REPIN1: variants seen among roughly 807,000 people sequenced by gnomAD.
The protein encoded by REPIN1 is replication initiator 1.
Under a neutral mutation model 5.7 loss-of-function variants are expected in REPIN1, and 4 were observed. The observed-to-expected ratio is 0.71, with a 90% CI of 0.35 to 1.62. The LOEUF is 1.62. REPIN1 is among the 40% of genes most tolerant of loss of function. The pLI is 0.05. For synonymous variants in REPIN1, 410 were observed against 386.2 expected (o/e 1.06, Z -0.72); for missense variants, 854 against 901.0 (o/e 0.95, Z 0.67).
In REPIN1 at chr7:150,372,511, G is replaced by C; in HGVS notation, c.1441G>C (p.Val481Leu). 3.2e-6 allele frequency: 5 copies of C among 1,551,232 alleles called. No homozygotes were observed. Among genetic ancestry groups the C allele is most frequent in the Non-Finnish European group, 3.5e-6 (4 of 1,155,240 alleles). ...KKTHLVAHSR[V>L]HSGERPFACE... The stretch of plus-strand genomic sequence containing the variant: ...GACGCACCTGGTGGCGCACTCGCGC[G>C]TGCACTCCGGCGAGCGGCCCTTCGC... Residue 481 changes from valine (V) to leucine (L), a missense_variant, in exon 3 of 3, where the codon GTG becomes CTG. Physicochemically the swap from Val to Leu is conservative, Grantham distance 32. Around this residue, in one of 5 missense-constraint regions of REPIN1, gnomAD observed 327 missense variants for 307.8 expected, o/e 1.06. Coordinates refer to ENST00000489432, the MANE Select transcript of REPIN1 (RefSeq NM_001099695.2).
Position 150,372,329 on chromosome 7 carries a change from A to T in REPIN1, c.1259A>T (p.His420Leu), listed in dbSNP as rs1178338069. ...CCGCCGCCAGGGGCCCCGCCAGAGC[A>T]CCCGCAGGACCCGATCGAAGCCCCC... ...QEPPPGAPPE[H>L]PQDPIEAPPS... Residue 420 changes from histidine to leucine, a missense_variant, in exon 3 of 3, where the codon CAC becomes CTC. His to Leu is a moderately conservative substitution (Grantham distance 99). Around this residue, in one of 5 missense-constraint regions of REPIN1, gnomAD observed 327 missense variants for 307.8 expected, o/e 1.06. Transcript: ENST00000489432. 2.0e-6 allele frequency: 3 copies of T among 1,519,132 alleles called. No individual in the cohort carries two copies. The highest frequency in any genetic ancestry group is 2.6e-6 in the Non-Finnish European group (3 of 1,140,816). 94.1% of individuals were successfully genotyped at this position (1,519,132 alleles called of 1,614,324 possible).
Position 150,371,809 on chromosome 7 carries a change from G to C in REPIN1, c.739G>C (p.Asp247His). ...CTGTGGCCGGAGCTTTGCCCAGTGG[G>C]ACCAGCTAGTTGCCCACAAGCGGGT... Reference protein sequence around the residue: ...GNCGRSFAQWDQLVAHKRVHV... With the variant: ...GNCGRSFAQWHQLVAHKRVHV... The change falls in exon 3 of 3, where the codon GAC becomes CAC. Residue 247 changes from aspartate to histidine, a missense_variant. Coordinates refer to ENST00000489432, the MANE Select transcript of REPIN1 (RefSeq NM_001099695.2). 1 of 1,610,312 alleles carries C rather than the reference G, an allele frequency of 6.2e-7. No individual in the cohort carries two copies. The highest frequency in any genetic ancestry group is 8.5e-7 in the Non-Finnish European group (1 of 1,179,104).
rs751413655 is a variant in REPIN1, at chr7:150,372,522, C to A, written c.1452C>A (p.Gly484=). The A allele has an allele frequency of 6.4e-7, 1 of 1,555,404 alleles. No homozygotes were observed. Among genetic ancestry groups the A allele is most frequent in the Non-Finnish European group, 8.6e-7 (1 of 1,157,384 alleles). Residue 484 remains glycine (G), a synonymous_variant, in exon 3 of 3, where the codon GGC becomes GGA. Transcript: ENST00000489432. ...HLVAHSRVHS[G]ERPFACEECG... is the part of the protein sequence containing the mutation. ...TGGCGCACTCGCGCGTGCACTCCGG[C>A]GAGCGGCCCTTCGCCTGCGAGGAGT... is the stretch of plus-strand genomic sequence containing the variant.
In REPIN1 at chr7:150,372,088, C is replaced by G; in HGVS notation, c.1018C>G (p.Arg340Gly). 1.9e-6 allele frequency: 3 copies of G among 1,611,570 alleles called. No individual in the cohort carries two copies. The highest frequency in any genetic ancestry group is 2.5e-6 in the Non-Finnish European group (3 of 1,179,444). The change falls in exon 3 of 3, where the codon CGG (arginine) becomes GGG (glycine). Residue 340 changes from arginine to glycine, a missense_variant. Arg to Gly is a moderately radical substitution (Grantham distance 125). Transcript: ENST00000489432. ...CAATAAGCCCTATCTGACTTCGCACCGGCGCATCCACACCGGCGAGAAGCC... is the reference window on the plus strand; with the variant it reads ...CAATAAGCCCTATCTGACTTCGCACGGGCGCATCCACACCGGCGAGAAGCC... ...FTNKPYLTSH[R>G]RIHTGEKPYP...
chr7:150,370,515 C>A (rs1563245062), intron 2 of REPIN1: 1 of 522,898 alleles, frequency 1.9e-6, no homozygotes, highest in African/African-American at 1.9e-5. Context: ...ACTTGTCCTC[C>A]AGCCTCCTAC....
chr7:150,371,415 CTG>C lies in REPIN1; in HGVS notation c.348_349del (p.Ala117ProfsTer29), dbSNP rs775545099. 6.2e-7 allele frequency: 1 copy of C among 1,601,042 alleles called. No homozygotes were observed. The highest frequency in any genetic ancestry group is 1.7e-5 in the Admixed American group (1 of 58,724). On this transcript the variant is annotated frameshift_variant, in exon 3 of 3. Coordinates refer to ENST00000489432, the MANE Select transcript of REPIN1 (RefSeq NM_001099695.2). LOFTEE classifies it low-confidence loss of function (END_TRUNC). ...GAQAPGRAHR[C>X]AHCRRHFPGW... ...CCCAAGCCCCAGGCAGGGCCCATCG[CTG>C]TGCCCACTGTCGAAGGCACTTCCCT... is the stretch of plus-strand genomic sequence containing the variant.
chr7:150,371,884 C>T lies in REPIN1; in HGVS notation c.814C>T (p.Arg272Trp), dbSNP rs2129620190. Residue 272 changes from arginine to tryptophan, a missense_variant, in exon 3 of 3, where the codon CGG becomes TGG. By Grantham distance (101) the Arg-to-Trp change is moderately radical. This residue lies in a region of REPIN1 where 409 missense variants were observed against 418.6 expected (regional missense o/e 0.98). Coordinates refer to ENST00000489432, the MANE Select transcript of REPIN1 (RefSeq NM_001099695.2). ...EEAAAKALGPRPRGRPAVTAP... is the reference protein window; with the variant it reads ...EEAAAKALGPWPRGRPAVTAP... ...GGCCGCAGCCAAGGCTCTGGGGCCC[C>T]GGCCCAGGGGCCGCCCCGCGGTGAC... The T allele has an allele frequency of 1.9e-6, 3 of 1,605,866 alleles. No homozygotes were observed. The highest frequency in any genetic ancestry group is 2.5e-6 in the Non-Finnish European group (3 of 1,176,954).
intron 1 of REPIN1, chr7:150,369,262 G>T (rs1454020105): frequency 7.7e-6 from 3 of 387,724 alleles, no homozygotes; most frequent in Non-Finnish European, 1.4e-5. Context: ...TGACGGAGTC[G>T]TGGTCACACC....
Position 150,371,262 on chromosome 7 carries a change from G to T in REPIN1, c.192G>T (p.Arg64Ser). ...AACCGATGCTGGAACGTCGTTGCAG[G>T]GGCCCCCTGGCCATGGGCCTGGCCC... ...EEEPMLERRC[R>S]GPLAMGLAQP... Residue 64 changes from arginine to serine, a missense_variant, in exon 3 of 3, where the codon AGG becomes AGT. Coordinates refer to ENST00000489432, the MANE Select transcript of REPIN1 (RefSeq NM_001099695.2). The T allele has an allele frequency of 6.2e-7, 1 of 1,600,100 alleles. No individual in the cohort carries two copies. The highest frequency in any genetic ancestry group is 2.2e-5 in the East Asian group (1 of 44,454).
Position 150,373,168 on chromosome 7 carries a change from T to TTCCAAGCGCAGGGACGCC in REPIN1, c.*223_*224insTCCAAGCGCAGGGACGCC. On this transcript the variant is annotated 3_prime_UTR_variant, in exon 3 of 3. Coordinates refer to ENST00000489432, the MANE Select transcript of REPIN1 (RefSeq NM_001099695.2). ...AAGCGCAGGGACGCCGGCCTCCAGC[T>TTCCAAGCGCAGGGACGCC]GGTGTGTGCTAAGGCTCCGTCCTGA... 4 of 650,684 alleles carry TTCCAAGCGCAGGGACGCC rather than the reference T, an allele frequency of 6.1e-6. No individual in the cohort carries two copies. The highest frequency in any genetic ancestry group is 4.3e-4 in the Middle Eastern group (1 of 2,340). 40.3% of individuals were successfully genotyped at this position (650,684 alleles called of 1,614,324 possible). A position where few individuals can be genotyped will look rare whatever the true frequency, so the allele number is the denominator to read the frequency against.
At position 150,372,643 on chromosome 7, in the gene REPIN1, T is replaced by G; in HGVS notation, c.1573T>G (p.Phe525Val). The change falls in exon 3 of 3, where the codon TTC (phenylalanine) becomes GTC (valine). Residue 525 changes from phenylalanine to valine, a missense_variant. This residue lies in a region of REPIN1 where 327 missense variants were observed against 307.8 expected (regional missense o/e 1.06). Transcript: ENST00000489432. ...CGTGTGTCCCGACTGCGGCAAGGCCTTCCGCCACAAACCCTACCTGGCGGC... is the reference window on the plus strand; with the variant it reads ...CGTGTGTCCCGACTGCGGCAAGGCCGTCCGCCACAAACCCTACCTGGCGGC... ...PFVCPDCGKA[F>V]RHKPYLAAHR... 6.2e-7 allele frequency: 1 copy of G among 1,611,406 alleles called. No individual in the cohort carries two copies. Among genetic ancestry groups the G allele is most frequent in the Non-Finnish European group, 8.5e-7 (1 of 1,179,736 alleles).
In REPIN1 at chr7:150,371,885, G is replaced by C; in HGVS notation, c.815G>C (p.Arg272Pro). Reference protein sequence around the residue: ...EEAAAKALGPRPRGRPAVTAP... With the variant: ...EEAAAKALGPPPRGRPAVTAP... ...GCCGCAGCCAAGGCTCTGGGGCCCC[G>C]GCCCAGGGGCCGCCCCGCGGTGACC... The change falls in exon 3 of 3, where the codon CGG becomes CCG. Residue 272 changes from arginine to proline, a missense_variant. Around this residue, in one of 5 missense-constraint regions of REPIN1, gnomAD observed 409 missense variants for 418.6 expected, o/e 0.98. Transcript: ENST00000489432. 1.9e-6 allele frequency: 3 copies of C among 1,605,688 alleles called. No homozygotes were observed. The highest frequency in any genetic ancestry group is 2.5e-6 in the Non-Finnish European group (3 of 1,176,912).
In REPIN1 at chr7:150,371,673, C is replaced by T. The variant is rs761343856; in HGVS notation, c.603C>T (p.Pro201=). ...GGGCCCATTCAGCTGCAAAGCGGCC[C>T]ATCGCTTGTCCCAAATGCGAGAGAC... ...HLRAHSAAKR[P]IACPKCERRF... The change falls in exon 3 of 3, where the codon CCC becomes CCT. Residue 201 remains proline (P), a synonymous_variant. Coordinates refer to ENST00000489432, the MANE Select transcript of REPIN1 (RefSeq NM_001099695.2). The T allele has an allele frequency of 1.4e-5, 22 of 1,605,298 alleles. No individual in the cohort carries two copies. Among genetic ancestry groups the T allele is most frequent in the Non-Finnish European group, 1.9e-5 (22 of 1,179,656 alleles).
At position 150,372,870 on chromosome 7, in the gene REPIN1, C is replaced by G; in HGVS notation, c.1800C>G (p.Phe600Leu). 6.2e-7 allele frequency: 1 copy of G among 1,613,354 alleles called. No individual in the cohort carries two copies. The highest frequency in any genetic ancestry group is 8.5e-7 in the Non-Finnish European group (1 of 1,180,028). The change falls in exon 3 of 3, where the codon TTC becomes TTG. Residue 600 changes from phenylalanine (F) to leucine (L), a missense_variant. Transcript: ENST00000489432. ...AGAGCCACATCCGGGACGGCGCCTT[C>G]TGCTGTGCCATCTGTGGCCAGACCT... is the stretch of plus-strand genomic sequence containing the variant. ...HRKSHIRDGA[F>L]CCAICGQTFD... is the part of the protein sequence containing the mutation.
In REPIN1 at chr7:150,372,618, C is replaced by A; in HGVS notation, c.1548C>A (p.Phe516Leu). The A allele has an allele frequency of 6.2e-7, 1 of 1,609,886 alleles. No homozygotes were observed. The highest frequency in any genetic ancestry group is 8.5e-7 in the Non-Finnish European group (1 of 1,179,510). Residue 516 changes from phenylalanine (F) to leucine (L), a missense_variant, in exon 3 of 3, where the codon TTC becomes TTA. Transcript: ENST00000489432. ...HRRDHAPDRPFVCPDCGKAFR... is the reference protein window; with the variant it reads ...HRRDHAPDRPLVCPDCGKAFR... ...GCGACCACGCCCCCGATCGGCCCTT[C>A]GTGTGTCCCGACTGCGGCAAGGCCT... is the stretch of plus-strand genomic sequence containing the variant.
At position 150,371,177 on chromosome 7, in the gene REPIN1, CAG is replaced by C. The variant is rs1345060861; in HGVS notation, c.158-50_158-49del. 35 of 1,493,902 alleles carry C rather than the reference CAG, an allele frequency of 2.3e-5. No individual in the cohort carries two copies. In the East Asian group the frequency reaches 2.9e-4, roughly 12 times the overall value. The allele number at this position is 1,493,902 out of a possible 1,614,324, so 92.5% of individuals were successfully genotyped here. On this transcript the variant is annotated intron_variant, in intron 2 of 2. Transcript: ENST00000489432. Reference sequence around the variant, plus strand: ...GGGGCTGAGGTTGGGAGGGGAGAAACAGGGGCAGAGTGAGTTGGTCTCTGGAG... The same window carrying C: ...GGGGCTGAGGTTGGGAGGGGAGAAACGGGCAGAGTGAGTTGGTCTCTGGAG...
At chr7:150,368,982 G>A (rs1188735428) in intron 1 of REPIN1, 41 bp downstream of exon 1, 1 of 375,406 alleles carries the variant, frequency 2.7e-6, no homozygotes, top group Non-Finnish European at 4.7e-6. Flanking sequence ...GCGGGCCCGC[G>A]GGGGGCCGCT....
At chr7:150,370,996 TG>T in intron 2 of REPIN1, 1 of 636,696 alleles carries the variant, frequency 1.6e-6, no homozygotes, top group Non-Finnish European at 2.7e-6. Context: ...CCCTCCCTTC[TG>T]GAAGTTTCCA....
In REPIN1 at chr7:150,371,383, T is replaced by G; in HGVS notation, c.313T>G (p.Ser105Ala). 6.3e-7 allele frequency: 1 copy of G among 1,595,260 alleles called. No individual in the cohort carries two copies. The highest frequency in any genetic ancestry group is 8.5e-7 in the Non-Finnish European group (1 of 1,172,196). The change falls in exon 3 of 3, where the codon TCT becomes GCT. Residue 105 changes from serine to alanine, a missense_variant. Ser to Ala is a moderately conservative substitution (Grantham distance 99). Transcript: ENST00000489432. ...LRQQGTSVAQSGAQAPGRAHR... is the reference protein window; with the variant it reads ...LRQQGTSVAQAGAQAPGRAHR... ...GCAACAAGGCACGTCAGTGGCCCAG[T>G]CTGGTGCCCAAGCCCCAGGCAGGGC...
Sources: allele counts gnomAD v4.1 joint callset, GRCh38; gene constraint gnomAD v4.1.1; regional missense constraint gnomAD v4.1.1; transcripts MANE v1.5; gene names NCBI Gene and HGNC (gene_info 2026-07-23, HGNC 2026-07-21).